Variants in GNE observed in about 807,000 individuals in gnomAD.
The protein encoded by GNE is bifunctional UDP-N-acetylglucosamine 2-epimerase/N-acetylmannosamine kinase.
GNE carries 41 observed loss-of-function variants against 61.8 expected under a neutral mutation model. That is an observed-to-expected ratio of 0.66 (90% CI 0.52 to 0.86). The LOEUF (loss-of-function observed/expected upper bound fraction) is 0.86. GNE is among the 40% of genes least tolerant of loss of function. GNE has a pLI of 0.00. For missense variants in GNE, 608 were observed against 909.1 expected (o/e 0.67, Z 4.26); for synonymous variants, 264 against 326.4 (o/e 0.81, Z 2.06).
chr9:36,253,108 G>A (rs1330898495), intron 1 of GNE, among the ~76,000 whole-genome samples: 1 of 152,030 alleles, frequency 6.6e-6, no homozygotes, highest in African/African-American at 2.4e-5. Flanking sequence ...CTTGCGGTGA[G>A]CCAAGATGGT....
rs1323881400 is a variant in GNE, at chr9:36,218,145, AC to A, written c.1933+37del. On this transcript the variant is annotated intron_variant, in intron 11 of 11. Transcript: ENST00000642385. This position sits in a 1 kb window ranked among gnomAD's most constrained non-coding sequence, Gnocchi z 4.1. ...GCTGGGCCATATGATATCTGAGGCC[AC>A]CCCCTGCAGCACAGCCACCTGCAGC... 1.4e-6 allele frequency: 2 copies of A among 1,391,520 alleles called. No individual in the cohort carries two copies. Among genetic ancestry groups the A allele is most frequent in the African/African-American group, 1.4e-5 (1 of 70,522 alleles). 86.2% of individuals were successfully genotyped at this position (1,391,520 alleles called of 1,614,324 possible). A position where few individuals can be genotyped will look rare whatever the true frequency, so the allele number is the denominator to read the frequency against.
chr9:36,248,829 T>G (rs562740432), intron 2 of GNE, among the ~76,000 whole-genome samples: 1 of 152,206 alleles, frequency 6.6e-6, no homozygotes, highest in Non-Finnish European at 1.5e-5. Context: ...ACAGTTTACA[T>G]GGAATCACAT....
chr9:36,255,924 CTTGT>C (rs997997682), intron 1 of GNE, among the ~76,000 whole-genome samples: 1 of 152,082 alleles, frequency 6.6e-6, no homozygotes, highest in African/African-American at 2.4e-5. Context: ...AAACCCAATT[CTTGT>C]TTGTTTTTGT....
At chr9:36,275,447 A>G (rs969378332) in intron 1 of GNE, among the ~76,000 whole-genome samples, 1 of 152,222 alleles carries the variant, frequency 6.6e-6, no homozygotes. Context: ...ATATTGGAAA[A>G]GATAATTGAA....
chr9:36,239,562 T>C (rs1829551327), intron 3 of GNE, among the ~76,000 whole-genome samples: 1 of 152,032 alleles, frequency 6.6e-6, no homozygotes, highest in South Asian at 2.1e-4. Flanking sequence ...AACTTCCGCC[T>C]CCCAGGTTCA....
At chr9:36,270,327 AC>A (rs891969570) in intron 1 of GNE, among the ~76,000 whole-genome samples, 36 of 152,148 alleles carry the variant, frequency 2.4e-4, no homozygotes, top group African/African-American at 7.7e-4. Flanking sequence ...GATTTTATAT[AC>A]CTAAAATCAA....
chr9:36,249,755 G>A (rs1034868377), intron 1 of GNE, among the ~76,000 whole-genome samples: 4 of 152,000 alleles, frequency 2.6e-5, no homozygotes, highest in Non-Finnish European at 1.5e-5. Flanking sequence ...GTGGTGGCGG[G>A]TACCTGTAGT....
At chr9:36,268,358 A>C (rs1411641796) in intron 1 of GNE, among the ~76,000 whole-genome samples, 2 of 152,134 alleles carry the variant, frequency 1.3e-5, no homozygotes, top group African/African-American at 2.4e-5. Context: ...TTATGCTCTA[A>C]ACTTCTCATT....
chr9:36,224,794 C>T (rs1183356551), intron 7 of GNE, among the ~76,000 whole-genome samples: 2 of 152,012 alleles, frequency 1.3e-5, no homozygotes, highest in East Asian at 3.9e-4. Context: ...CGCTTGAACC[C>T]AGGAAGCAGA....
intron 1 of GNE, 61 bp downstream of exon 1, chr9:36,258,260 G>A: frequency 1.1e-6 from 1 of 929,556 alleles, no homozygotes; most frequent in Non-Finnish European, 1.3e-6. Context: ...GGCCGGGGGA[G>A]GCGGCCCTGG....
At position 36,240,611 on chromosome 9, in the gene GNE, G is replaced by GT. The variant is rs1001823339; in HGVS notation, c.617-3628dup. Among the ~76,000 whole-genome samples the GT allele has an allele frequency of 6.6e-5, 10 of 151,898 alleles. No individual in the cohort carries two copies. In the South Asian group the frequency reaches 1.5e-3, roughly 22 times the overall value. ...TGTTCATCAAGGATATTGGCCTGTT[G>GT]TTTTTTTTGTTATGTCCTTTCCTGG... On this transcript the variant is annotated intron_variant, in intron 3 of 11. Transcript: ENST00000642385.
chr9:36,251,050 C>A (rs1830090087), intron 1 of GNE, among the ~76,000 whole-genome samples: 1 of 152,158 alleles, frequency 6.6e-6, no homozygotes, highest in Non-Finnish European at 1.5e-5. Flanking sequence ...CTTCTCTGTG[C>A]CAAAGTGCCA....
chr9:36,222,746 T>C (rs1164451037), intron 9 of GNE, 31 bp downstream of exon 9: 2 of 1,414,344 alleles, frequency 1.4e-6, no homozygotes, highest in Non-Finnish European at 2.0e-6. Flanking sequence ...ACATTCTAGC[T>C]CCTGAACCAA....
upstream of GNE, among the ~76,000 whole-genome samples, chr9:36,259,104 A>G (rs1318983950): frequency 6.6e-6 from 1 of 152,176 alleles, no homozygotes; most frequent in Non-Finnish European, 1.5e-5. Flanking sequence ...TGTTTTTGAG[A>G]CAAGGGTCTC....
chr9:36,252,946 G>A (rs1830168876), intron 1 of GNE, among the ~76,000 whole-genome samples: 1 of 152,112 alleles, frequency 6.6e-6, no homozygotes, highest in African/African-American at 2.4e-5. Context: ...ATCACGAGAG[G>A]TCAGGAATTC....
chr9:36,263,738 T>G (rs1407716745), intron 1 of GNE, among the ~76,000 whole-genome samples: 1 of 152,192 alleles, frequency 6.6e-6, no homozygotes, highest in African/African-American at 2.4e-5. Context: ...ACAGTTGAAT[T>G]TCAAATTTTC....
intron 3 of GNE, among the ~76,000 whole-genome samples, chr9:36,241,477 GA>G (rs1232721046): frequency 6.6e-6 from 1 of 152,258 alleles, no homozygotes; most frequent in Middle Eastern, 3.4e-3. Flanking sequence ...TTAGACCAGG[GA>G]AAAGTAAAAC....
At chr9:36,223,224 G>T in intron 8 of GNE, 149 bp downstream of exon 8, 1 of 832,544 alleles carries the variant, frequency 1.2e-6, no homozygotes. Flanking sequence ...GGTGTCCCAG[G>T]AAGTCCCCAT....
intron 7 of GNE, among the ~76,000 whole-genome samples, chr9:36,224,027 C>T (rs1828740957): frequency 6.6e-6 from 1 of 150,968 alleles, no homozygotes; most frequent in Admixed American, 6.6e-5. Flanking sequence ...GCTGGGATTA[C>T]AGGCGTGAGC....
Sources: gnomAD v4.1 joint callset for allele counts (sites outside exome capture counted in the v4.1 genomes callset) on GRCh38, gnomAD v4.1.1 for gene constraint, Gnocchi (gnomAD v3.1) non-coding constraint, MANE v1.5 for transcripts, NCBI Gene and HGNC (gene_info 2026-07-23, HGNC 2026-07-21) for gene names.